The following ZNF746 variants were observed in gnomAD, a reference collection of about 807,000 sequenced individuals.
The protein encoded by ZNF746 is parkin-interacting substrate.
Under a neutral mutation model 41.0 loss-of-function variants are expected in ZNF746, and 13 were observed. That is an observed-to-expected ratio of 0.32 (90% CI 0.21 to 0.50). The LOEUF (loss-of-function observed/expected upper bound fraction) is 0.50. Ranked by LOEUF, ZNF746 falls within the 20% of genes least tolerant of loss-of-function variation. The pLI is 0.98. For synonymous variants in ZNF746, 424 were observed against 396.2 expected (o/e 1.07, Z -0.83); for missense variants, 811 against 922.9 (o/e 0.88, Z 1.57).
In ZNF746 at chr7:149,473,944, A is replaced by G. The variant is rs1430667148; in HGVS notation, c.*440T>C. ...AACTGGGCAGAGCAGGGGCACACAC[A>G]GGACCCCATCCCCAGGAGTCAGTGG... On this transcript the variant is annotated 3_prime_UTR_variant, in exon 7 of 7. Coordinates refer to ENST00000458143, the MANE Select transcript of ZNF746 (RefSeq NM_001394198.1). 17 of 245,044 alleles carry G rather than the reference A, an allele frequency of 6.9e-5. No homozygotes were observed. The highest frequency in any genetic ancestry group is 6.1e-4 in the South Asian group (14 of 22,858). 15.2% of individuals were successfully genotyped at this position (245,044 alleles called of 1,614,324 possible). A position where few individuals can be genotyped will look rare whatever the true frequency, so the allele number is the denominator to read the frequency against.
chr7:149,474,831 A>ACTG lies in ZNF746; in HGVS notation c.1535_1536insCAG (p.Gly512_Gly513insSer), dbSNP rs1800231293. The ACTG allele has an allele frequency of 1.6e-5, 22 of 1,414,568 alleles. No homozygotes were observed. The highest frequency in any genetic ancestry group is 2.0e-5 in the Non-Finnish European group (22 of 1,091,306). The allele number at this position is 1,414,568 out of a possible 1,614,324, so 87.6% of individuals were successfully genotyped here. Reference sequence around the variant, plus strand: ...GTGCGCTGCCCCCACCGCTGCCGCCACCGCCGCCGCCACTGCCGCTGCCGC... The same window carrying ACTG: ...GTGCGCTGCCCCCACCGCTGCCGCCACTGCCGCCGCCGCCACTGCCGCTGCCGC... On this transcript the variant is annotated inframe_insertion, in exon 7 of 7. Transcript: ENST00000458143. This position sits in a 1 kb window ranked among gnomAD's most constrained non-coding sequence, Gnocchi z 6.3.
At chr7:149,485,864 C>T (rs1800609582) in intron 4 of ZNF746, among the ~76,000 whole-genome samples, 1 of 151,924 alleles carries the variant, frequency 6.6e-6, no homozygotes, top group Non-Finnish European at 1.5e-5. Context: ...CATGGTGAAA[C>T]ACTGTCTCTA....
At chr7:149,488,055 G>A (rs1452327532) in intron 4 of ZNF746, 1 of 152,116 alleles carries the variant, frequency 6.6e-6, no homozygotes, top group African/African-American at 2.4e-5. Context: ...CTGACAAAGA[G>A]ACCAATGACA....
At chr7:149,495,272 CCCT>C (rs925395383) in intron 1 of ZNF746, among the ~76,000 whole-genome samples, 7 of 152,112 alleles carry the variant, frequency 4.6e-5, no homozygotes, top group African/African-American at 1.7e-4. Flanking sequence ...AATTCCCACC[CCCT>C]CAAGGTAAAA....
Position 149,475,303 on chromosome 7 carries a change from T to C in ZNF746, c.1064A>G (p.Gln355Arg). The C allele has an allele frequency of 6.2e-7, 1 of 1,613,906 alleles. No homozygotes were observed. Among genetic ancestry groups the C allele is most frequent in the Non-Finnish European group, 8.5e-7 (1 of 1,179,942 alleles). Residue 355 changes from glutamine to arginine, a missense_variant, in exon 7 of 7, where the codon CAG becomes CGG. Gln to Arg is a conservative substitution (Grantham distance 43). Coordinates refer to ENST00000458143, the MANE Select transcript of ZNF746 (RefSeq NM_001394198.1). ...WESQGSSFPS[Q>R]DPVLGLREPA... ...CTCTCGCAGCCCCAGCACAGGGTCC[T>C]GGCTGGGGAAGGAGCTGCCCTGGCT... is the stretch of plus-strand genomic sequence containing the variant.
chr7:149,474,467 C>T lies in ZNF746; in HGVS notation c.1900G>A (p.Gly634Arg), dbSNP rs747026734. ...PDPFKSPASK[G>R]PLASTDLVTD... is the part of the protein sequence containing the mutation. ...ACAAGGTCTGTGGAGGCCAAAGGTC[C>T]TTTGGAGGCGGGGCTCTTGAAGGGA... The change falls in exon 7 of 7, where the codon GGA (glycine) becomes AGA (arginine). Residue 634 changes from glycine to arginine, a missense_variant. By Grantham distance (125) the Gly-to-Arg change is moderately radical. Coordinates refer to ENST00000458143, the MANE Select transcript of ZNF746 (RefSeq NM_001394198.1). This position sits in a 1 kb window ranked among gnomAD's most constrained non-coding sequence, Gnocchi z 6.3. 1.9e-6 allele frequency: 3 copies of T among 1,611,282 alleles called. No homozygotes were observed. In the Admixed American group the frequency reaches 5.0e-5, roughly 27 times the overall value.
rs1801021086 is a variant in ZNF746, at chr7:149,497,023, G to A, written c.24+490C>T. The A allele has an allele frequency of 2.0e-6, 2 of 985,342 alleles. No individual in the cohort carries two copies. Among genetic ancestry groups the A allele is most frequent in the African/African-American group, 1.7e-5 (1 of 57,250 alleles). 61.0% of individuals were successfully genotyped at this position (985,342 alleles called of 1,614,324 possible). ...GACTAACGCCTCAACAGGGCTTGTG[G>A]AAGTGCGTGGCTCTATATTCCCTTC... On this transcript the variant is annotated intron_variant, in intron 1 of 6. Transcript: ENST00000458143. The surrounding 1 kb of genome is among the most constrained non-coding windows in gnomAD (Gnocchi z 4.2).
chr7:149,492,887 A>C lies in ZNF746; in HGVS notation c.537T>G (p.Ile179Met). ...GACTGGGGTCCACAGGAACATCTGGAATCTTGGGGCCAGGGCGGCGCCAGT... is the reference window on the plus strand; with the variant it reads ...GACTGGGGTCCACAGGAACATCTGGCATCTTGGGGCCAGGGCGGCGCCAGT... The part of the protein sequence containing the change: ...PCNWRRPGPK[I>M]PDVPVDPSPG... The change falls in exon 4 of 7, where the codon ATT becomes ATG. Residue 179 changes from isoleucine to methionine, a missense_variant. Transcript: ENST00000458143. 4.3e-6 allele frequency: 7 copies of C among 1,613,966 alleles called. No individual in the cohort carries two copies. The highest frequency in any genetic ancestry group is 5.9e-6 in the Non-Finnish European group (7 of 1,179,968).
chr7:149,487,872 A>T (rs1471207015), intron 4 of ZNF746: 2 of 152,198 alleles, frequency 1.3e-5, no homozygotes, highest in Admixed American at 6.5e-5. Context: ...TTCCAATCAA[A>T]TTTCCAACAG....
rs534754910 is a variant in ZNF746 at position 149,478,892 on chromosome 7, T to C, written c.566-1137A>G. On this transcript the variant is annotated intron_variant, in intron 4 of 6. Transcript: ENST00000458143. ...TGTGGAAATGAAAAACTCAAATGGA[T>C]GGCTCTGGCTCAACAACAACAGACT... Among the ~76,000 whole-genome samples the C allele has an allele frequency of 9.8e-4, 149 of 152,334 alleles. 1 individual carries two copies. The highest frequency in any genetic ancestry group is 1.0e-3 in the Non-Finnish European group (68 of 68,030).
At chr7:149,480,727 C>T (rs1157621394) in intron 4 of ZNF746, among the ~76,000 whole-genome samples, 10 of 152,100 alleles carry the variant, frequency 6.6e-5, no homozygotes, top group Middle Eastern at 3.2e-3. Flanking sequence ...TGAGCTACCG[C>T]GCCTGGCTAA....
intron 4 of ZNF746, among the ~76,000 whole-genome samples, chr7:149,479,594 A>G (rs1485450415): frequency 2.0e-5 from 3 of 152,264 alleles, no homozygotes. Context: ...AACACTAGAA[A>G]ATATAACGAA....
intron 4 of ZNF746, among the ~76,000 whole-genome samples, chr7:149,486,967 A>C (rs1489411534): frequency 6.6e-6 from 1 of 152,226 alleles, no homozygotes; most frequent in Non-Finnish European, 1.5e-5. Context: ...CCTGGACTGC[A>C]CAGCAGGGGG....
intron 4 of ZNF746, among the ~76,000 whole-genome samples, chr7:149,481,182 A>G (rs1389722722): frequency 6.6e-6 from 1 of 152,250 alleles, no homozygotes; most frequent in Admixed American, 6.5e-5. Flanking sequence ...ATTATCTTCA[A>G]AAGCTAAGAG....
intron 6 of ZNF746, 62 bp from the exon 7 acceptor site, chr7:149,475,545 G>C: frequency 6.5e-7 from 1 of 1,544,840 alleles, no homozygotes; most frequent in Non-Finnish European, 8.7e-7. Flanking sequence ...GCCACGATCT[G>C]CCACCATCAC....
chr7:149,486,411 C>CAAAAAAAAAAA (rs78088527), intron 4 of ZNF746, among the ~76,000 whole-genome samples: 1 of 136,734 alleles, frequency 7.3e-6, no homozygotes. Context: ...TTCACACCAG[C>CAAAAAAAAAAA]AAAAAAAAAA....
At chr7:149,476,075 G>T (rs1427301270) in intron 6 of ZNF746, among the ~76,000 whole-genome samples, 1 of 152,176 alleles carries the variant, frequency 6.6e-6, no homozygotes, top group Non-Finnish European at 1.5e-5. Context: ...AGCACTTTGG[G>T]AGGCCAAGGC....
rs114482845 is a variant in ZNF746 at position 149,477,548 on chromosome 7, C to T, written c.757+16G>A. ...CCCTGCAACTTGTTCCTTATGTCCC[C>T]GTCTCAGCCACTTACCAGAGGTGGC... is the stretch of plus-strand genomic sequence containing the variant. On this transcript the variant is annotated intron_variant, in intron 5 of 6. Transcript: ENST00000458143. The T allele has an allele frequency of 4.1e-4, 650 of 1,586,016 alleles. 3 individuals are homozygous for T. In the African/African-American group the frequency reaches 7.7e-3, roughly 19 times the overall value.
chr7:149,487,331 C>T (rs1800658431), intron 4 of ZNF746, among the ~76,000 whole-genome samples: 1 of 152,122 alleles, frequency 6.6e-6, no homozygotes, highest in Admixed American at 6.5e-5. Flanking sequence ...AACACTTGTT[C>T]ACAATAAAAA....
Sources: gnomAD v4.1 joint callset for allele counts (sites outside exome capture counted in the v4.1 genomes callset) on GRCh38, gnomAD v4.1.1 for gene constraint, Gnocchi (gnomAD v3.1) non-coding constraint, MANE v1.5 for transcripts, NCBI Gene and HGNC (gene_info 2026-07-23, HGNC 2026-07-21) for gene names.